FSTL4: variants seen among roughly 807,000 people sequenced by gnomAD.
The protein encoded by FSTL4 is follistatin like 4.
FSTL4 carries 28 observed loss-of-function variants against 78.2 expected under a neutral mutation model. The ratio of observed to expected loss-of-function variants is 0.36; its 90% CI spans 0.27 to 0.49. The LOEUF (loss-of-function observed/expected upper bound fraction) is 0.49, where lower values mean the gene tolerates loss of function less well. FSTL4 is among the 20% of genes least tolerant of loss of function. The probability of loss-of-function intolerance (pLI) is 0.98; values close to 1 mark genes in which losing one functional copy is unlikely to be tolerated. For synonymous variants in FSTL4, 422 were observed against 440.5 expected (o/e 0.96, Z 0.53); for missense variants, 922 against 1,084.9 (o/e 0.85, Z 2.11).
the FSTL4 span, among the ~76,000 whole-genome samples, chr5:133,841,092 C>G: frequency 1.3e-5 from 2 of 152,244 alleles, no homozygotes; most frequent in Non-Finnish European, 2.9e-5. Context: ...ACAGTCACCT[C>G]TCTCCCTGCA....
rs139383218 is a variant in FSTL4, at chr5:133,443,015, C to T, written c.161-42029G>A. Among the ~76,000 whole-genome samples, 675 of 152,322 alleles carry T rather than the reference C, an allele frequency of 4.4e-3. 5 individuals carry two copies. Among genetic ancestry groups the T allele is most frequent in the African/African-American group, 0.014 (581 of 41,570 alleles). On this transcript the variant is annotated intron_variant, in intron 3 of 15. Coordinates refer to ENST00000265342, the MANE Select transcript of FSTL4 (RefSeq NM_015082.2). Reference sequence around the variant, plus strand: ...GAATACTTCTGAAGATTCCATTTATCAGAAAATTGTTACCTCTAAATACAC... The same window carrying T: ...GAATACTTCTGAAGATTCCATTTATTAGAAAATTGTTACCTCTAAATACAC...
the FSTL4 span, among the ~76,000 whole-genome samples, chr5:133,680,851 T>C: frequency 4.1e-3 from 629 of 152,344 alleles, 2 homozygotes; most frequent in African/African-American, 0.013. Flanking sequence ...TTCACGTGTG[T>C]TCATTCTTGT....
At chr5:133,562,178 C>A (rs1759928374) in intron 3 of FSTL4, among the ~76,000 whole-genome samples, 1 of 152,176 alleles carries the variant, frequency 6.6e-6, no homozygotes, top group South Asian at 2.1e-4. Flanking sequence ...AAATTCCCTA[C>A]ATCTGCAGCT....
chr5:133,504,480 C>T (rs1423800043), intron 3 of FSTL4, among the ~76,000 whole-genome samples: 3 of 152,042 alleles, frequency 2.0e-5, no homozygotes, highest in African/African-American at 7.2e-5. Context: ...CCATTTTTTA[C>T]AACAGAATAA....
chr5:133,744,229 C>T, the FSTL4 span, among the ~76,000 whole-genome samples: 1 of 152,208 alleles, frequency 6.6e-6, no homozygotes, highest in Non-Finnish European at 1.5e-5. Flanking sequence ...ACATCTTCCC[C>T]TTTTCTAAGT....
intron 4 of FSTL4, among the ~76,000 whole-genome samples, chr5:133,352,631 A>T (rs959044560): frequency 6.6e-6 from 1 of 152,246 alleles, no homozygotes; most frequent in South Asian, 2.1e-4. Flanking sequence ...GCCGGTCTCA[A>T]ATACTGTTCC....
the FSTL4 span, among the ~76,000 whole-genome samples, chr5:133,667,806 T>A: frequency 1.3e-5 from 2 of 152,266 alleles, no homozygotes; most frequent in African/African-American, 4.8e-5. Context: ...ATCTGTTATT[T>A]TCTTCTACTA....
intron 13 of FSTL4, among the ~76,000 whole-genome samples, chr5:133,213,142 A>G (rs1158111848): frequency 6.6e-6 from 1 of 151,434 alleles, no homozygotes; most frequent in Non-Finnish European, 1.5e-5. Context: ...AGCTGGGATT[A>G]TAGGCCTGCA....
the FSTL4 span, among the ~76,000 whole-genome samples, chr5:133,694,891 A>G: frequency 6.6e-6 from 1 of 152,176 alleles, no homozygotes; most frequent in Non-Finnish European, 1.5e-5. Context: ...TTATAAGGGC[A>G]CTAATCCCAT....
intron 15 of FSTL4, among the ~76,000 whole-genome samples, chr5:133,200,395 C>T (rs931948454): frequency 1.1e-4 from 16 of 152,220 alleles, no homozygotes; most frequent in Admixed American, 6.5e-4. Context: ...AGGAAGAACC[C>T]TGGGCATTGG....
At chr5:133,395,416 G>A (rs1308963470) in intron 4 of FSTL4, among the ~76,000 whole-genome samples, 5 of 152,110 alleles carry the variant, frequency 3.3e-5, no homozygotes, top group African/African-American at 7.2e-5. Flanking sequence ...CCACCAGAAG[G>A]AAGAAACTCT....
chr5:133,673,396 GT>G, the FSTL4 span, among the ~76,000 whole-genome samples: 1 of 152,200 alleles, frequency 6.6e-6, no homozygotes. Flanking sequence ...GGGCAGGGGT[GT>G]TCCCTCCTGG....
chr5:133,309,813 C>T (rs1041064733), intron 6 of FSTL4, among the ~76,000 whole-genome samples: 6 of 152,218 alleles, frequency 3.9e-5, no homozygotes, highest in Non-Finnish European at 5.9e-5. Context: ...CAGACCTCAC[C>T]CTGCCTTATA....
chr5:133,633,122 G>T, the FSTL4 span, among the ~76,000 whole-genome samples: 1 of 151,992 alleles, frequency 6.6e-6, no homozygotes, highest in Non-Finnish European at 1.5e-5. Context: ...AAATTATCTT[G>T]GTGTGGATTT....
the FSTL4 span, among the ~76,000 whole-genome samples, chr5:133,733,501 G>C: frequency 6.6e-6 from 1 of 152,164 alleles, no homozygotes; most frequent in African/African-American, 2.4e-5. Flanking sequence ...TCAGGAAATA[G>C]AAAAGGCAGA....
intron 2 of FSTL4, among the ~76,000 whole-genome samples, chr5:133,582,337 T>A (rs74605325): frequency 2.0e-5 from 3 of 152,106 alleles, no homozygotes; most frequent in Non-Finnish European, 4.4e-5. Context: ...TCCAGGAGCT[T>A]CAGTTTCCTC....
intron 6 of FSTL4, among the ~76,000 whole-genome samples, chr5:133,293,414 C>T (rs17626456): frequency 0.17 from 25,986 of 152,230 alleles, 2,596 homozygotes; most frequent in African/African-American, 0.26. Flanking sequence ...CCATGCTTCC[C>T]TGGCTTCCTT....
intron 6 of FSTL4, chr5:133,275,650 A>T (rs936619724): frequency 1.5e-4 from 23 of 152,090 alleles, no homozygotes; most frequent in African/African-American, 5.3e-4. Flanking sequence ...CCCCTGTGTG[A>T]CTACACATGT....
At chr5:133,631,641 T>A in the FSTL4 span, among the ~76,000 whole-genome samples, 1 of 152,180 alleles carries the variant, frequency 6.6e-6, no homozygotes, top group Non-Finnish European at 1.5e-5. Context: ...AGCAATCCCA[T>A]TATTGGGTAT....
Sources: gnomAD v4.1 joint callset for allele counts (sites outside exome capture counted in the v4.1 genomes callset) on GRCh38, gnomAD v4.1.1 for gene constraint, MANE v1.5 for transcripts, NCBI Gene and HGNC (gene_info 2026-07-23, HGNC 2026-07-21) for gene names.